The following OR5M3 variants were observed in gnomAD, a reference collection of about 807,000 sequenced individuals.
The protein encoded by OR5M3 is olfactory receptor 5M3.
For missense variants in OR5M3, 384 were observed against 378.6 expected (o/e 1.01, Z -0.12); for synonymous variants, 129 against 131.3 (o/e 0.98, Z 0.12).
intron 1 of OR5M3, among the ~76,000 whole-genome samples, chr11:56,470,799 TTAAA>T (rs1363079308): frequency 6.6e-6 from 1 of 151,404 alleles, no homozygotes; most frequent in Non-Finnish European, 1.5e-5. Flanking sequence ...TCATTACTTC[TTAAA>T]TATCCCTCAT....
intron 1 of OR5M3, among the ~76,000 whole-genome samples, chr11:56,472,367 TCAA>T (rs1317876129): frequency 3.9e-5 from 6 of 152,088 alleles, no homozygotes; most frequent in African/African-American, 1.4e-4. Context: ...TACAGACATG[TCAA>T]CAGATAACTC....
intron 1 of OR5M3, 145 bp downstream of exon 1, chr11:56,473,076 A>G (rs1476076813): frequency 6.6e-6 from 1 of 152,106 alleles, no homozygotes; most frequent in Non-Finnish European, 1.5e-5. Context: ...ATATAATCCT[A>G]TTGAAAATGT....
In OR5M3 at chr11:56,469,663, C is replaced by T; in HGVS notation, c.835G>A (p.Val279Met). The T allele has an allele frequency of 1.3e-6, 2 of 1,587,836 alleles. No homozygotes were observed. The highest frequency in any genetic ancestry group is 8.6e-7 in the Non-Finnish European group (1 of 1,160,342). The change falls in exon 2 of 2, where the codon GTG becomes ATG. Residue 279 changes from valine (V) to methionine (M), a missense_variant. Val to Met is a conservative substitution (Grantham distance 21, BLOSUM62 1). Transcript: ENST00000641993. ...GKMVAVFYTT[V>M]IPMLNPMIYS... ...ATCATGGGATTCAACATGGGGATCA[C>T]TGTGGTATAGAACACAGCCACCATC...
In OR5M3 at chr11:56,470,011, C is replaced by T. The variant is rs17150664; in HGVS notation, c.487G>A (p.Gly163Ser). 3,199 of 1,613,518 alleles carry T rather than the reference C, an allele frequency of 2.0e-3. 97 individuals carry two copies. In the East Asian group the frequency reaches 0.053, roughly 27 times the overall value. ...TCAATTTTTCCACAGAAGTACAAGC[C>T]GTAAGTCCATAATGTTGCTGCCAGA... is the stretch of plus-strand genomic sequence containing the variant. The part of the protein sequence containing the change: ...TSLAATLWTY[G>S]LYFCGKIEIN... Residue 163 changes from glycine to serine, a missense_variant, in exon 2 of 2, where the codon GGC becomes AGC. Gly to Ser is a moderately conservative substitution (Grantham distance 56). Transcript: ENST00000641993.
Position 56,470,168 on chromosome 11 carries a change from A to C in OR5M3, c.330T>G (p.Ile110Met), listed in dbSNP as rs1404727140. The C allele has an allele frequency of 1.9e-6, 3 of 1,612,324 alleles. No homozygotes were observed. Among genetic ancestry groups the C allele is most frequent in the Non-Finnish European group, 2.5e-6 (3 of 1,178,482 alleles). ...CAAAGGCCATCGCAGCAAGAATAAA[A>C]ATTTCCACATGGACAAGAGCAATGA... ...FFFIALVHVE[I>M]FILAAMAFDR... Residue 110 changes from isoleucine (I) to methionine (M), a missense_variant, in exon 2 of 2, where the codon ATT (isoleucine) becomes ATG (methionine). By Grantham distance (10) the Ile-to-Met change is conservative. Coordinates refer to ENST00000641993, the MANE Select transcript of OR5M3 (RefSeq NM_001004742.3).
intron 1 of OR5M3, among the ~76,000 whole-genome samples, chr11:56,472,380 C>CTGTCATGT (rs1480671133): frequency 3.9e-5 from 6 of 152,020 alleles, no homozygotes; most frequent in African/African-American, 1.4e-4. Flanking sequence ...ACAGATAACT[C>CTGTCATGT]CAGATTTCTG....
chr11:56,471,590 A>G (rs559806025), intron 1 of OR5M3, among the ~76,000 whole-genome samples: 1 of 151,940 alleles, frequency 6.6e-6, no homozygotes, highest in African/African-American at 2.4e-5. Context: ...AAAGTTATTT[A>G]CTGTACACAT....
At position 56,469,785 on chromosome 11, in the gene OR5M3, G is replaced by T. The variant is rs757484684; in HGVS notation, c.713C>A (p.Thr238Lys). The T allele has an allele frequency of 6.2e-7, 1 of 1,612,480 alleles. No individual in the cohort carries two copies. The highest frequency in any genetic ancestry group is 1.1e-5 in the South Asian group (1 of 91,024). The change falls in exon 2 of 2, where the codon ACA (threonine) becomes AAA (lysine). Residue 238 changes from threonine (T) to lysine (K), a missense_variant. Transcript: ENST00000641993. Reference sequence around the variant, plus strand: ...GACAGCTGTCAGATGGGACCCACATGTGGAAAAGGCCTTCTGCCTTCCTTC... The same window carrying T: ...GACAGCTGTCAGATGGGACCCACATTTGGAAAAGGCCTTCTGCCTTCCTTC... The part of the protein sequence containing the change: ...SAEGRQKAFS[T>K]CGSHLTAVII...
At chr11:56,472,174 G>A (rs937210622) in intron 1 of OR5M3, among the ~76,000 whole-genome samples, 1 of 151,908 alleles carries the variant, frequency 6.6e-6, no homozygotes, top group African/African-American at 2.4e-5. Flanking sequence ...TGGCCCCAGA[G>A]GTTTGGTCTA....
At chr11:56,472,278 T>C (rs924702769) in intron 1 of OR5M3, among the ~76,000 whole-genome samples, 2 of 152,034 alleles carry the variant, frequency 1.3e-5, no homozygotes, top group Non-Finnish European at 2.9e-5. Context: ...CCTTAGAATA[T>C]ATTTATATAT....
At chr11:56,471,386 T>C (rs1036838217) in intron 1 of OR5M3, among the ~76,000 whole-genome samples, 3 of 152,052 alleles carry the variant, frequency 2.0e-5, no homozygotes, top group Non-Finnish European at 4.4e-5. Context: ...TTTGCAAATT[T>C]ATTTTCAAAT....
chr11:56,470,153 C>G lies in OR5M3; in HGVS notation c.345G>C (p.Ala115=), dbSNP rs749997522. 2 of 1,607,452 alleles carry G rather than the reference C, an allele frequency of 1.2e-6. No individual in the cohort carries two copies. The highest frequency in any genetic ancestry group is 2.7e-5 in the African/African-American group (2 of 74,972). Residue 115 remains alanine (A), a synonymous_variant, in exon 2 of 2, where the codon GCG becomes GCC. Coordinates refer to ENST00000641993, the MANE Select transcript of OR5M3 (RefSeq NM_001004742.3). ...TTGCCATGTATCTATCAAAGGCCAT[C>G]GCAGCAAGAATAAAAATTTCCACAT... ...LVHVEIFILA[A]MAFDRYMAIG... is the part of the protein sequence containing the mutation.
chr11:56,470,443 G>C lies in OR5M3; in HGVS notation c.55C>G (p.Arg19Gly), dbSNP rs1461011219. 2.5e-6 allele frequency: 4 copies of C among 1,611,652 alleles called. No individual in the cohort carries two copies. In the Admixed American group the frequency reaches 6.7e-5, roughly 27 times the overall value. The part of the protein sequence containing the change: ...EFILLGLTSR[R>G]EWQVLFFIIF... ...ATGAAGAAGAGAACTTGCCATTCTC[G>C]ACGGCTCGTTAGCCCCAAAAGAATG... The change falls in exon 2 of 2, where the codon CGA (arginine) becomes GGA (glycine). Residue 19 changes from arginine (R) to glycine (G), a missense_variant. Coordinates refer to ENST00000641993, the MANE Select transcript of OR5M3 (RefSeq NM_001004742.3).
intron 1 of OR5M3, among the ~76,000 whole-genome samples, chr11:56,472,583 T>A (rs1187130101): frequency 2.6e-5 from 4 of 152,026 alleles, no homozygotes; most frequent in African/African-American, 9.7e-5. Context: ...AGGTGATAAA[T>A]AGCAATAGTA....
chr11:56,470,321 A>G lies in OR5M3; in HGVS notation c.177T>C (p.Phe59=). ...VSPQLNNPMY[F]FLSHLSFVDV... is the part of the protein sequence containing the mutation. ...CAACAAATGACAAGTGACTGAGGAA[A>G]AAGTACATGGGGTTGTTAAGCTGAG... Residue 59 remains phenylalanine, a synonymous_variant, in exon 2 of 2, where the codon TTT becomes TTC. Coordinates refer to ENST00000641993, the MANE Select transcript of OR5M3 (RefSeq NM_001004742.3). 1 of 1,613,920 alleles carries G rather than the reference A, an allele frequency of 6.2e-7. No individual in the cohort carries two copies. Among genetic ancestry groups the G allele is most frequent in the Non-Finnish European group, 8.5e-7 (1 of 1,179,906 alleles).
intron 1 of OR5M3, among the ~76,000 whole-genome samples, chr11:56,471,209 G>C (rs947447824): frequency 6.6e-6 from 1 of 151,810 alleles, no homozygotes; most frequent in African/African-American, 2.4e-5. Flanking sequence ...TTCAAAAATA[G>C]GTAAAACATA....
intron 1 of OR5M3, among the ~76,000 whole-genome samples, chr11:56,472,078 C>T (rs1470947904): frequency 6.6e-6 from 1 of 151,828 alleles, no homozygotes; most frequent in African/African-American, 2.4e-5. Context: ...AGTAATAATC[C>T]AAAACTTTTC....
chr11:56,469,740 A>G lies in OR5M3; in HGVS notation c.758T>C (p.Leu253Pro). ...GGGACGTCTGAGATACATGAAGATC[A>G]GAGTACCATAGAATATAATGACAGC... ...LTAVIIFYGT[L>P]IFMYLRRPTE... is the part of the protein sequence containing the mutation. The change falls in exon 2 of 2, where the codon CTG becomes CCG. Residue 253 changes from leucine to proline, a missense_variant. Transcript: ENST00000641993. 6 of 1,612,836 alleles carry G rather than the reference A, an allele frequency of 3.7e-6. No homozygotes were observed. Among genetic ancestry groups the G allele is most frequent in the South Asian group, 3.3e-5 (3 of 90,972 alleles).
At position 56,469,628 on chromosome 11, in the gene OR5M3, C is replaced by G; in HGVS notation, c.870G>C (p.Leu290=). The G allele has an allele frequency of 6.5e-7, 1 of 1,533,042 alleles. No homozygotes were observed. Among genetic ancestry groups the G allele is most frequent in the East Asian group, 2.3e-5 (1 of 44,088 alleles). The allele number at this position is 1,533,042 out of a possible 1,614,324, so 95.0% of individuals were successfully genotyped here. Residue 290 remains leucine (L), a synonymous_variant, in exon 2 of 2, where the codon CTG becomes CTC. Coordinates refer to ENST00000641993, the MANE Select transcript of OR5M3 (RefSeq NM_001004742.3). ...TGGCCTTTTTCACATCCTTGTTCCT[C>G]AGACTGTAGATCATGGGATTCAACA... The part of the protein sequence containing the change: ...IPMLNPMIYS[L]RNKDVKKAMM...
Sources: gnomAD v4.1 joint callset for allele counts (sites outside exome capture counted in the v4.1 genomes callset) on GRCh38, gnomAD v4.1.1 for gene constraint, MANE v1.5 for transcripts, NCBI Gene and HGNC (gene_info 2026-07-23, HGNC 2026-07-21) for gene names.